Variants in PLEKHG1 observed in about 807,000 individuals in gnomAD.
The protein encoded by PLEKHG1 is pleckstrin homology and RhoGEF domain containing G1.
Under a neutral mutation model 100.8 loss-of-function variants are expected in PLEKHG1, and 44 were observed. The ratio of observed to expected loss-of-function variants is 0.44; its 90% CI spans 0.34 to 0.56. The LOEUF is 0.56. PLEKHG1 is among the 20% of genes least tolerant of loss of function. The pLI is 0.01. For missense variants in PLEKHG1, 1,545 were observed against 1,720.9 expected (o/e 0.90, Z 1.81); for synonymous variants, 640 against 662.5 (o/e 0.97, Z 0.52).
chr6:150,764,726 C>T (rs1489567567), intron 2 of PLEKHG1, among the ~76,000 whole-genome samples: 1 of 152,132 alleles, frequency 6.6e-6, no homozygotes, highest in Non-Finnish European at 1.5e-5. Flanking sequence ...CTTCTTCCTC[C>T]TTTCGCTGTG....
chr6:150,610,418 A>G (rs1013874128), intron 1 of PLEKHG1, among the ~76,000 whole-genome samples: 6 of 152,214 alleles, frequency 3.9e-5, no homozygotes, highest in African/African-American at 1.2e-4. Context: ...AGCACTTTCT[A>G]TGTGGTATTT....
Position 150,673,677 on chromosome 6 carries a change from C to T in PLEKHG1, c.-99+22891C>T, listed in dbSNP as rs180823216. On this transcript the variant is annotated intron_variant, in intron 3 of 3. Coordinates refer to the PLEKHG1 transcript ENST00000367326. ...CCTCTTCCCTCCCCTCCCTCTCCTCCTTTTTCAGGGTCTTACTCTGTCACC... is the reference window on the plus strand; with the variant it reads ...CCTCTTCCCTCCCCTCCCTCTCCTCTTTTTTCAGGGTCTTACTCTGTCACC... Among the ~76,000 whole-genome samples, 399 of 151,134 alleles carry T rather than the reference C, an allele frequency of 2.6e-3. 2 individuals carry two copies. The highest frequency in any genetic ancestry group is 9.2e-3 in the African/African-American group (379 of 41,116).
intron 3 of PLEKHG1, among the ~76,000 whole-genome samples, chr6:150,651,458 T>C (rs529420933): frequency 3.3e-5 from 5 of 152,030 alleles, no homozygotes; most frequent in Admixed American, 6.6e-5. Context: ...GGTCATGAAC[T>C]CCTGACCTCA....
intron 2 of PLEKHG1, among the ~76,000 whole-genome samples, chr6:150,761,107 T>TC (rs1179613738): frequency 3.5e-5 from 5 of 141,610 alleles, no homozygotes; most frequent in Non-Finnish European, 7.7e-5. Context: ...TTCTTTTTTT[T>TC]TTTTTTTTTT....
intron 2 of PLEKHG1, among the ~76,000 whole-genome samples, chr6:150,764,243 G>T (rs938054851): frequency 6.6e-6 from 1 of 151,392 alleles, no homozygotes; most frequent in Non-Finnish European, 1.5e-5. Context: ...TCAGCCTCCC[G>T]AGTAGCTGAG....
At chr6:150,838,301 C>G (rs77043771) in intron 15 of PLEKHG1, among the ~76,000 whole-genome samples, 5,117 of 152,286 alleles carry the variant, frequency 0.034, 107 homozygotes, top group South Asian at 0.067. Context: ...GTTAGAGGAA[C>G]CTTGTCCAAC....
intron 3 of PLEKHG1, among the ~76,000 whole-genome samples, chr6:150,775,893 T>A (rs1011293049): frequency 6.6e-6 from 1 of 152,094 alleles, no homozygotes; most frequent in African/African-American, 2.4e-5. Context: ...GCCTGGAAAG[T>A]ATGAGTGAAA....
chr6:150,608,286 G>A (rs1656027236), intron 1 of PLEKHG1, among the ~76,000 whole-genome samples: 1 of 152,218 alleles, frequency 6.6e-6, no homozygotes. Flanking sequence ...GAACTGAGCT[G>A]TGATGAGTTC....
intron 2 of PLEKHG1, among the ~76,000 whole-genome samples, chr6:150,647,361 G>A (rs1053869127): frequency 1.3e-5 from 2 of 152,172 alleles, no homozygotes; most frequent in African/African-American, 4.8e-5. Flanking sequence ...GGGACACATA[G>A]CTTTGAGTCT....
At chr6:150,768,573 G>A in intron 2 of PLEKHG1, 65 bp from the exon 4 acceptor site, 1 of 828,886 alleles carries the variant, frequency 1.2e-6, no homozygotes, top group Non-Finnish European at 2.1e-6. Context: ...GATGCACTGG[G>A]CATAATTAAA....
chr6:150,659,296 T>A (rs1779091454), intron 3 of PLEKHG1, among the ~76,000 whole-genome samples: 1 of 152,216 alleles, frequency 6.6e-6, no homozygotes, highest in African/African-American at 2.4e-5. Context: ...AGGCATTTTT[T>A]TTTTCAGTTT....
In PLEKHG1 at chr6:150,657,060, C is replaced by T. The variant is rs116250461; in HGVS notation, c.-99+6274C>T. On this transcript the variant is annotated intron_variant, in intron 3 of 3. Coordinates refer to the PLEKHG1 transcript ENST00000367326. ...TCCAGGACCAATGAAGAATGACTTT[C>T]AGTCATCTCAAATTCTTAGGTGAAA... 7.0e-3 allele frequency among the ~76,000 whole-genome samples: 1,062 copies of T among 152,240 alleles called. 14 individuals carry two copies. The highest frequency in any genetic ancestry group is 0.024 in the African/African-American group (1,005 of 41,540).
chr6:150,774,271 G>A (rs1194368789), intron 3 of PLEKHG1, among the ~76,000 whole-genome samples: 1 of 152,142 alleles, frequency 6.6e-6, no homozygotes, highest in Non-Finnish European at 1.5e-5. Flanking sequence ...GCATTAGCAG[G>A]AATGTTTTAC....
At chr6:150,800,059 C>T (rs1490208903) in intron 5 of PLEKHG1, among the ~76,000 whole-genome samples, 3 of 152,112 alleles carry the variant, frequency 2.0e-5, no homozygotes, top group Non-Finnish European at 4.4e-5. Flanking sequence ...AGGCGCACTC[C>T]GTAGGAGCAA....
intron 3 of PLEKHG1, among the ~76,000 whole-genome samples, chr6:150,781,338 C>G (rs1262034942): frequency 6.6e-6 from 1 of 151,380 alleles, no homozygotes; most frequent in African/African-American, 2.4e-5. Context: ...AACCCCGTCT[C>G]TACTAAAAAT....
chr6:150,689,019 T>G (rs1463068945), intron 3 of PLEKHG1, among the ~76,000 whole-genome samples: 1 of 152,262 alleles, frequency 6.6e-6, no homozygotes, highest in Non-Finnish European at 1.5e-5. Flanking sequence ...CTGTAACCAT[T>G]AAGCAGTAAC....
rs1432920399 is a variant in PLEKHG1, at chr6:150,674,638, T to TCC, written c.-99+23853_-99+23854insCC. ...TAACTTTCTCTCTCTCCTCCCTCTC[T>TCC]CTCTCTCTCTCTCTCTCTCTCTCTC... On this transcript the variant is annotated intron_variant, in intron 3 of 3. Coordinates refer to the PLEKHG1 transcript ENST00000367326. Among the ~76,000 whole-genome samples, 526 of 106,950 alleles carry TCC rather than the reference T, an allele frequency of 4.9e-3. 15 individuals are homozygous for TCC. Among genetic ancestry groups the TCC allele is most frequent in the Admixed American group, 6.3e-3 (67 of 10,584 alleles). The allele number at this position is 106,950 out of a possible 152,430, so 70.2% of individuals were successfully genotyped here.
exon 16 of PLEKHG1, chr6:150,841,704 C>A (rs981493436): frequency 6.6e-6 from 1 of 152,240 alleles, no homozygotes; most frequent in South Asian, 2.1e-4. Context: ...AACCACTTAA[C>A]TCTTCAAATG....
At chr6:150,689,106 G>A (rs1033501105) in intron 3 of PLEKHG1, among the ~76,000 whole-genome samples, 4 of 151,896 alleles carry the variant, frequency 2.6e-5, no homozygotes, top group African/African-American at 9.7e-5. Context: ...TTCTCCTCTG[G>A]GAATTTACTA....
Sources: allele counts gnomAD v4.1 joint callset (sites outside exome capture counted in the v4.1 genomes callset), GRCh38; gene constraint gnomAD v4.1.1; transcripts MANE v1.5; gene names NCBI Gene and HGNC (gene_info 2026-07-23, HGNC 2026-07-21).